Variants in VTA1 observed in about 807,000 individuals in gnomAD.
VTA1 encodes vesicle trafficking 1.
A neutral mutation model predicts 36.9 loss-of-function variants in VTA1; 24 were observed. The ratio of observed to expected loss-of-function variants is 0.65; its 90% CI spans 0.47 to 0.91. The LOEUF (loss-of-function observed/expected upper bound fraction) is 0.91. Ranked by LOEUF, VTA1 falls within the 40% of genes least tolerant of loss-of-function variation. The pLI, the probability that VTA1 is intolerant of heterozygous loss-of-function variation, is 0.00. For synonymous variants in VTA1, 142 were observed against 130.2 expected, an observed-to-expected ratio of 1.09 and a Z score of -0.62; for missense variants, 393 against 377.2, an observed-to-expected ratio of 1.04 and a Z score of -0.35.
In VTA1 at chr6:142,155,430, T is replaced by G. The variant is rs140674364; in HGVS notation, c.112+8031T>G. On this transcript the variant is annotated intron_variant, in intron 1 of 7. Coordinates refer to ENST00000367630, the MANE Select transcript of VTA1 (RefSeq NM_016485.5). ...AAATATATATCATTATGGAAATGGT[T>G]AAGTAAATTATGTTATATCCACTGC... is the stretch of plus-strand genomic sequence containing the variant. 6.6e-5 allele frequency among the ~76,000 whole-genome samples: 10 copies of G among 152,332 alleles called. No homozygotes were observed. In the East Asian group the frequency reaches 1.9e-3, roughly 29 times the overall value.
At chr6:142,192,194 CTG>C (rs1447601274) in intron 5 of VTA1, among the ~76,000 whole-genome samples, 1 of 152,026 alleles carries the variant, frequency 6.6e-6, no homozygotes, top group Non-Finnish European at 1.5e-5. Context: ...TCAATAGAAA[CTG>C]TACTTCGAGA....
At chr6:142,148,782 A>G (rs570385373) in intron 1 of VTA1, among the ~76,000 whole-genome samples, 23 of 152,186 alleles carry the variant, frequency 1.5e-4, no homozygotes, top group Non-Finnish European at 3.4e-4. Context: ...CTGAATTGAC[A>G]TTTGGGGAAA....
intron 4 of VTA1, among the ~76,000 whole-genome samples, chr6:142,182,682 G>A (rs1775265057): frequency 6.6e-6 from 1 of 152,152 alleles, no homozygotes; most frequent in South Asian, 2.1e-4. Context: ...TATAGAGTTG[G>A]TGGGGGAAAA....
At chr6:142,149,171 A>G (rs1231165832) in intron 1 of VTA1, among the ~76,000 whole-genome samples, 1 of 152,208 alleles carries the variant, frequency 6.6e-6, no homozygotes, top group Non-Finnish European at 1.5e-5. Context: ...ATAGTTGTCC[A>G]TAAGTTAGCT....
Position 142,219,103 on chromosome 6 carries a change from G to A in VTA1, c.*460G>A, listed in dbSNP as rs1007082896. 1 of 152,118 alleles carries A rather than the reference G, an allele frequency of 6.6e-6. No homozygotes were observed. The highest frequency in any genetic ancestry group is 2.4e-5 in the African/African-American group (1 of 41,418). The allele number at this position is 152,118 out of a possible 1,614,324, so 9.4% of individuals were successfully genotyped here. ...GAAATTACGTTTTTGTTTCCCTCAA[G>A]ACATAAAACAAATATAAACATTCTA... On this transcript the variant is annotated 3_prime_UTR_variant, in exon 8 of 8. Coordinates refer to ENST00000367630, the MANE Select transcript of VTA1 (RefSeq NM_016485.5).
At chr6:142,189,589 T>C (rs905293943) in intron 5 of VTA1, 55 bp downstream of exon 5, 75 of 1,436,326 alleles carry the variant, frequency 5.2e-5, no homozygotes, top group East Asian at 4.6e-5. Context: ...AATTATTCAG[T>C]AGATTACTCA....
chr6:142,181,948 A>G (rs961727645), intron 4 of VTA1, among the ~76,000 whole-genome samples: 1 of 152,236 alleles, frequency 6.6e-6, no homozygotes, highest in Non-Finnish European at 1.5e-5. Context: ...AGTAATTTTG[A>G]TAATAAATTT....
chr6:142,165,930 T>TA (rs1268715506), intron 1 of VTA1, among the ~76,000 whole-genome samples: 3 of 152,006 alleles, frequency 2.0e-5, no homozygotes, highest in Non-Finnish European at 4.4e-5. Context: ...TGCTCTGTCT[T>TA]ACCAATTAAA....
In VTA1 at chr6:142,224,539, A is replaced by G. The variant is rs1027299175; in HGVS notation, c.*5896A>G. 1 of 152,174 alleles carries G rather than the reference A, an allele frequency of 6.6e-6. No individual in the cohort carries two copies. The highest frequency in any genetic ancestry group is 6.5e-5 in the Admixed American group (1 of 15,268). The allele number at this position is 152,174 out of a possible 1,614,324, so 9.4% of individuals were successfully genotyped here. ...CATGTGTCTCCCTCATTAGATGCTA[A>G]GTTCCTTGATATTTTATACATTTGT... On this transcript the variant is annotated 3_prime_UTR_variant, in exon 8 of 8. Transcript: ENST00000367630.
rs532652096 is a variant in VTA1 at position 142,223,035 on chromosome 6, C to T, written c.*4392C>T. On this transcript the variant is annotated 3_prime_UTR_variant, in exon 8 of 8. Transcript: ENST00000367630. ...AGTATCATCCATGTCAGTAAGTCAC[C>T]TGTTACATTGTAAGTACAATGAGAT... The T allele has an allele frequency of 6.6e-6, 1 of 152,260 alleles. No individual in the cohort carries two copies. The highest frequency in any genetic ancestry group is 1.9e-4 in the East Asian group (1 of 5,188). 9.4% of individuals were successfully genotyped at this position (152,260 alleles called of 1,614,324 possible). A position where few individuals can be genotyped will look rare whatever the true frequency, so the allele number is the denominator to read the frequency against.
intron 4 of VTA1, among the ~76,000 whole-genome samples, chr6:142,183,671 T>A (rs1207215354): frequency 6.6e-6 from 1 of 152,158 alleles, no homozygotes; most frequent in Non-Finnish European, 1.5e-5. Context: ...CAAAAATACA[T>A]CTTGAAAATT....
At position 142,189,424 on chromosome 6, in the gene VTA1, A is replaced by G; in HGVS notation, c.412-2A>G. 1 of 1,611,668 alleles carries G rather than the reference A, an allele frequency of 6.2e-7. No individual in the cohort carries two copies. The highest frequency in any genetic ancestry group is 8.5e-7 in the Non-Finnish European group (1 of 1,178,110). On this transcript the variant is annotated splice_acceptor_variant, in intron 4 of 7. Coordinates refer to ENST00000367630, the MANE Select transcript of VTA1 (RefSeq NM_016485.5). LOFTEE classifies it high-confidence loss of function. Reference sequence around the variant, plus strand: ...TGTTGATATAAAAATGCTCTCTTTTAGAATGTGAAACACAGGAAGTATGCC... The same window carrying G: ...TGTTGATATAAAAATGCTCTCTTTTGGAATGTGAAACACAGGAAGTATGCC...
At chr6:142,176,962 G>A (rs934254034) in intron 4 of VTA1, among the ~76,000 whole-genome samples, 4 of 152,172 alleles carry the variant, frequency 2.6e-5, no homozygotes, top group Non-Finnish European at 4.4e-5. Context: ...AAGGGTATCC[G>A]TGTGTACTGG....
At position 142,222,332 on chromosome 6, in the gene VTA1, G is replaced by C. The variant is rs140434483; in HGVS notation, c.*3689G>C. The C allele has an allele frequency of 6.6e-6, 1 of 152,142 alleles. No homozygotes were observed. The highest frequency in any genetic ancestry group is 2.4e-5 in the African/African-American group (1 of 41,422). 9.4% of individuals were successfully genotyped at this position (152,142 alleles called of 1,614,324 possible). ...GAGGGAGAAGAAGAAATAAGGTTCT[G>C]CTGACAATGATTGCCACAGATATCT... is the stretch of plus-strand genomic sequence containing the variant. On this transcript the variant is annotated 3_prime_UTR_variant, in exon 8 of 8. Transcript: ENST00000367630.
intron 1 of VTA1, among the ~76,000 whole-genome samples, chr6:142,149,513 A>G (rs1778524457): frequency 6.6e-6 from 1 of 152,182 alleles, no homozygotes; most frequent in South Asian, 2.1e-4. Context: ...ATCTTTTCAT[A>G]TGTTAATTAA....
intron 7 of VTA1, among the ~76,000 whole-genome samples, chr6:142,216,474 A>G (rs772775027): frequency 3.3e-5 from 5 of 152,150 alleles, no homozygotes; most frequent in Non-Finnish European, 4.4e-5. Flanking sequence ...CTATATGTTT[A>G]TAAGTTACAT....
intron 1 of VTA1, among the ~76,000 whole-genome samples, chr6:142,158,810 A>T (rs915480280): frequency 6.6e-6 from 1 of 152,072 alleles, no homozygotes; most frequent in African/African-American, 2.4e-5. Flanking sequence ...TGGTTGCTCT[A>T]GAATGCTTAC....
chr6:142,154,264 G>A (rs574701824), intron 1 of VTA1, among the ~76,000 whole-genome samples: 30 of 152,090 alleles, frequency 2.0e-4, no homozygotes, highest in African/African-American at 7.0e-4. Context: ...AAGCTTTTGG[G>A]ATTGGCTTTT....
intron 5 of VTA1, among the ~76,000 whole-genome samples, chr6:142,194,183 G>C (rs985457675): frequency 9.2e-5 from 14 of 152,094 alleles, no homozygotes; most frequent in Non-Finnish European, 2.1e-4. Context: ...GAGTCAACAC[G>C]TTCCTCATTT....
Sources: gnomAD v4.1 joint callset for allele counts (sites outside exome capture counted in the v4.1 genomes callset) on GRCh38, gnomAD v4.1.1 for gene constraint, MANE v1.5 for transcripts, NCBI Gene and HGNC (gene_info 2026-07-23, HGNC 2026-07-21) for gene names.